LRRTM4: variants seen among roughly 807,000 people sequenced by gnomAD.
The protein encoded by LRRTM4 is leucine rich repeat transmembrane neuronal 4.
In LRRTM4, 25 loss-of-function variants were observed where a neutral mutation model predicts 47.6. The observed-to-expected ratio is 0.53, with a 90% CI of 0.38 to 0.73. The LOEUF is 0.73. Ranked by LOEUF, LRRTM4 falls within the 30% of genes least tolerant of loss-of-function variation. The pLI is 0.00. For synonymous variants in LRRTM4, 311 were observed against 269.5 expected (o/e 1.15, Z -1.51); for missense variants, 638 against 713.4 (o/e 0.89, Z 1.20).
intron 3 of LRRTM4, among the ~76,000 whole-genome samples, chr2:77,018,949 T>A (rs1198256320): frequency 2.0e-5 from 3 of 152,108 alleles, no homozygotes; most frequent in Non-Finnish European, 2.9e-5. Flanking sequence ...ATATTTTAAA[T>A]TCTGATTATT....
At chr2:77,026,501 A>G (rs1307758308) in intron 3 of LRRTM4, among the ~76,000 whole-genome samples, 1 of 152,138 alleles carries the variant, frequency 6.6e-6, no homozygotes, top group Non-Finnish European at 1.5e-5. Flanking sequence ...AGTGAGTTTT[A>G]TTAACATTTT....
chr2:77,088,626 T>C (rs7565144), intron 3 of LRRTM4, among the ~76,000 whole-genome samples: 6,946 of 152,266 alleles, frequency 0.046, 183 homozygotes, highest in South Asian at 0.083. Flanking sequence ...AACAGCCATG[T>C]TGCTCACACA....
At chr2:77,396,373 G>A (rs919523810) in intron 3 of LRRTM4, among the ~76,000 whole-genome samples, 2 of 151,720 alleles carry the variant, frequency 1.3e-5, no homozygotes, top group Non-Finnish European at 2.9e-5. Flanking sequence ...AGCAATTTAG[G>A]CATGTTTTTT....
intron 3 of LRRTM4, among the ~76,000 whole-genome samples, chr2:77,383,060 A>G (rs1160082318): frequency 3.3e-5 from 5 of 152,108 alleles, no homozygotes; most frequent in Non-Finnish European, 7.4e-5. Flanking sequence ...TACAGAGGAT[A>G]GGGAGAATAT....
intron 3 of LRRTM4, among the ~76,000 whole-genome samples, chr2:77,220,512 G>C (rs1674587979): frequency 6.6e-6 from 1 of 152,134 alleles, no homozygotes; most frequent in African/African-American, 2.4e-5. Context: ...GTCCTTAAAG[G>C]ACCTGTTGGA....
chr2:76,919,105 A>G (rs1674348084), intron 3 of LRRTM4, among the ~76,000 whole-genome samples: 2 of 152,312 alleles, frequency 1.3e-5, no homozygotes, highest in South Asian at 2.1e-4. Flanking sequence ...TCCAGAGAAT[A>G]TGTATGGCAC....
chr2:77,088,306 G>C (rs968046893), intron 3 of LRRTM4, among the ~76,000 whole-genome samples: 5 of 152,126 alleles, frequency 3.3e-5, no homozygotes, highest in Non-Finnish European at 7.3e-5. Context: ...AGTAACTTAA[G>C]AATCACAAAA....
At position 76,807,437 on chromosome 2, in the gene LRRTM4, C is replaced by CATAT. The variant is rs1558667459; in HGVS notation, c.1552-58522_1552-58521insATAT. 3.9e-3 allele frequency among the ~76,000 whole-genome samples: 135 copies of CATAT among 34,266 alleles called. 3 individuals are homozygous for CATAT. The South Asian group carries it at 0.041, about 10-fold the overall frequency. 22.5% of individuals were successfully genotyped at this position (34,266 alleles called of 152,430 possible). On this transcript the variant is annotated intron_variant, in intron 3 of 3. Transcript: ENST00000409884. ...ATATATATATATACATATATATATACGTATATACATATATATATATACATA... is the reference window on the plus strand; with the variant it reads ...ATATATATATATACATATATATATACATATGTATATACATATATATATATACATA...
chr2:77,118,655 C>A (rs1671450679), intron 3 of LRRTM4, among the ~76,000 whole-genome samples: 1 of 151,786 alleles, frequency 6.6e-6, no homozygotes, highest in Non-Finnish European at 1.5e-5. Flanking sequence ...AGACATGTTT[C>A]TGGGAAGAGG....
chr2:77,399,513 G>A (rs1020229830), intron 3 of LRRTM4, among the ~76,000 whole-genome samples: 2 of 151,844 alleles, frequency 1.3e-5, no homozygotes, highest in Non-Finnish European at 1.5e-5. Context: ...CACAATTCCA[G>A]TTACACAGGA....
intron 3 of LRRTM4, among the ~76,000 whole-genome samples, chr2:77,291,734 T>C (rs1676828776): frequency 6.6e-6 from 1 of 152,098 alleles, no homozygotes; most frequent in East Asian, 1.9e-4. Context: ...AAACCTATTA[T>C]TATGTTTTTA....
At chr2:77,454,765 T>C (rs190730575) in intron 3 of LRRTM4, among the ~76,000 whole-genome samples, 1 of 152,370 alleles carries the variant, frequency 6.6e-6, no homozygotes, top group Non-Finnish European at 1.5e-5. Flanking sequence ...TACTCAATAA[T>C]GTATCATCAG....
intron 3 of LRRTM4, among the ~76,000 whole-genome samples, chr2:77,465,420 G>A (rs762742800): frequency 5.3e-5 from 8 of 152,104 alleles, no homozygotes; most frequent in Non-Finnish European, 8.8e-5. Context: ...CCCCATTGTT[G>A]TTCATTTTTC....
At chr2:76,955,975 T>C (rs1205648901) in intron 3 of LRRTM4, among the ~76,000 whole-genome samples, 2 of 150,670 alleles carry the variant, frequency 1.3e-5, no homozygotes, top group African/African-American at 2.4e-5. Context: ...CTATCAGTAA[T>C]TACTTTAAGT....
chr2:76,848,037 T>G (rs1671888036), intron 3 of LRRTM4, among the ~76,000 whole-genome samples: 1 of 152,110 alleles, frequency 6.6e-6, no homozygotes, highest in African/African-American at 2.4e-5. Context: ...AAATTCCATG[T>G]TGGCATTTTT....
chr2:77,364,564 A>G (rs1033910009), intron 3 of LRRTM4, among the ~76,000 whole-genome samples: 2 of 151,882 alleles, frequency 1.3e-5, no homozygotes, highest in African/African-American at 4.8e-5. Flanking sequence ...TTGAATTCCT[A>G]TTGCATCCTC....
intron 3 of LRRTM4, among the ~76,000 whole-genome samples, chr2:76,909,278 A>G (rs1448365902): frequency 4.6e-5 from 7 of 152,232 alleles, no homozygotes; most frequent in Non-Finnish European, 1.0e-4. Context: ...TGCTGGGAAA[A>G]CTGGCTAGCC....
chr2:77,502,939 A>T (rs749114013), intron 3 of LRRTM4, among the ~76,000 whole-genome samples: 1 of 150,474 alleles, frequency 6.6e-6, no homozygotes, highest in Non-Finnish European at 1.5e-5. Context: ...TAAGAGGAAA[A>T]CAAAATAAAG....
At chr2:77,441,880 A>G (rs1208167105) in intron 3 of LRRTM4, among the ~76,000 whole-genome samples, 3 of 152,304 alleles carry the variant, frequency 2.0e-5, no homozygotes, top group Non-Finnish European at 2.9e-5. Context: ...AGGTAGGTGT[A>G]TGAGTCCTGG....
Sources: allele counts gnomAD v4.1 joint callset (sites outside exome capture counted in the v4.1 genomes callset), GRCh38; gene constraint gnomAD v4.1.1; transcripts MANE v1.5; gene names NCBI Gene and HGNC (gene_info 2026-07-23, HGNC 2026-07-21).